The following PPP1R1C variants were observed in gnomAD, a reference collection of about 807,000 sequenced individuals.
PPP1R1C encodes protein phosphatase 1 regulatory subunit 1C.
A neutral mutation model predicts 17.4 loss-of-function variants in PPP1R1C; 15 were observed. That is an observed-to-expected ratio of 0.86 (90% CI 0.58 to 1.33). The LOEUF is 1.33. PPP1R1C is among the 40% of genes most tolerant of loss of function. PPP1R1C has a pLI of 0.00. For missense variants in PPP1R1C, 143 were observed against 130.0 expected (o/e 1.10, Z -0.48); for synonymous variants, 35 against 43.1 (o/e 0.81, Z 0.73).
At chr2:181,965,812 T>C (rs1359635372) in intron 1 of PPP1R1C, among the ~76,000 whole-genome samples, 1 of 152,196 alleles carries the variant, frequency 6.6e-6, no homozygotes, top group East Asian at 1.9e-4. Flanking sequence ...ATATAAATTT[T>C]GGGATAGTTT....
At chr2:182,116,268 T>C (rs1004829678) in intron 4 of PPP1R1C, among the ~76,000 whole-genome samples, 28 of 152,224 alleles carry the variant, frequency 1.8e-4, no homozygotes, top group African/African-American at 5.5e-4. Context: ...CAAATTAAAT[T>C]ACATATTTCT....
intron 1 of PPP1R1C, among the ~76,000 whole-genome samples, chr2:181,956,351 A>G (rs1175535124): frequency 2.0e-5 from 3 of 152,228 alleles, no homozygotes; most frequent in African/African-American, 7.2e-5. Flanking sequence ...CAGTGCTGCA[A>G]TAAACATACG....
chr2:181,965,349 A>G (rs1384477841), intron 1 of PPP1R1C, among the ~76,000 whole-genome samples: 3 of 152,106 alleles, frequency 2.0e-5, no homozygotes, highest in African/African-American at 4.8e-5. Context: ...TGCTTGTCAG[A>G]TATTACTCAA....
At position 181,975,791 on chromosome 2, in the gene PPP1R1C, G is replaced by C. The variant is rs1574347023; in HGVS notation, n.157+527G>C. 2.6e-5 allele frequency among the ~76,000 whole-genome samples: 4 copies of C among 151,966 alleles called. No homozygotes were observed. The East Asian group carries it at 7.7e-4, about 29-fold the overall frequency. ...GTGTACCTATAATATTGCTCTTATA[G>C]GTAAATGTAAGAATGTTAGGAACAG... On this transcript the variant is annotated intron_variant and non_coding_transcript_variant, in intron 2 of 5. Transcript: ENST00000464264.
At position 181,961,270 on chromosome 2, in the gene PPP1R1C, A is replaced by G; in HGVS notation, n.111+6636A>G. Reference sequence around the variant, plus strand: ...CTTTGCGGCGGGTGGTGGTCTTTGGATGGTTTGCATGGAGTTGCTGTTGTC... The same window carrying G: ...CTTTGCGGCGGGTGGTGGTCTTTGGGTGGTTTGCATGGAGTTGCTGTTGTC... On this transcript the variant is annotated intron_variant and non_coding_transcript_variant, in intron 1 of 5. Coordinates refer to the PPP1R1C transcript ENST00000464264. The surrounding 1 kb of genome is among the most constrained non-coding windows in gnomAD (Gnocchi z 5.8). 1.3e-6 allele frequency: 1 copy of G among 753,448 alleles called. No homozygotes were observed. Among genetic ancestry groups the G allele is most frequent in the Non-Finnish European group, 2.4e-6 (1 of 421,674 alleles). 46.7% of individuals were successfully genotyped at this position (753,448 alleles called of 1,614,324 possible).
chr2:182,092,865 C>T (rs186423514), intron 4 of PPP1R1C, among the ~76,000 whole-genome samples: 240 of 152,244 alleles, frequency 1.6e-3, no homozygotes, highest in East Asian at 2.1e-3. Flanking sequence ...CCCTTCTGGC[C>T]GCTTTCACAG....
At chr2:181,960,567 C>T (rs1425373325) in intron 1 of PPP1R1C, among the ~76,000 whole-genome samples, 2 of 152,222 alleles carry the variant, frequency 1.3e-5, no homozygotes, top group East Asian at 3.8e-4. Context: ...TCCATTTCCA[C>T]CTATTTCTCC....
At chr2:182,028,013 T>C (rs1230101799) in intron 2 of PPP1R1C, among the ~76,000 whole-genome samples, 1 of 128,150 alleles carries the variant, frequency 7.8e-6, no homozygotes, top group East Asian at 2.2e-4. Flanking sequence ...GTGTTTGTAG[T>C]ATTCTCTGAT....
At chr2:182,054,769 T>A (rs903345814) in intron 2 of PPP1R1C, among the ~76,000 whole-genome samples, 2 of 152,158 alleles carry the variant, frequency 1.3e-5, no homozygotes, top group African/African-American at 4.8e-5. Context: ...CAAGTGACTG[T>A]CCTGCCTCAG....
At chr2:182,029,760 G>A (rs1262237874) in intron 2 of PPP1R1C, among the ~76,000 whole-genome samples, 4 of 90,302 alleles carry the variant, frequency 4.4e-5, no homozygotes, top group African/African-American at 1.9e-4. Flanking sequence ...ACGTTGGCCT[G>A]CCTTGCTAGA....
intron 2 of PPP1R1C, among the ~76,000 whole-genome samples, chr2:182,045,603 T>C (rs1245510127): frequency 2.0e-5 from 3 of 152,086 alleles, no homozygotes; most frequent in Admixed American, 2.0e-4. Context: ...ATAAAAGTTT[T>C]CCTCTTGTTA....
chr2:182,108,383 G>A (rs1689318347), intron 4 of PPP1R1C, among the ~76,000 whole-genome samples: 1 of 151,762 alleles, frequency 6.6e-6, no homozygotes, highest in Non-Finnish European at 1.5e-5. Context: ...GTGCCATCCT[G>A]TTCTCTTTGC....
chr2:182,012,363 C>T (rs1686109819), intron 2 of PPP1R1C, among the ~76,000 whole-genome samples: 1 of 152,002 alleles, frequency 6.6e-6, no homozygotes, highest in Non-Finnish European at 1.5e-5. Flanking sequence ...TAATGACCCT[C>T]TTTGTCTCTT....
intron 2 of PPP1R1C, among the ~76,000 whole-genome samples, chr2:182,021,563 T>C (rs1428304128): frequency 6.6e-6 from 1 of 152,056 alleles, no homozygotes; most frequent in African/African-American, 2.4e-5. Context: ...CTTGACCTCA[T>C]GATCCTCCCA....
At chr2:181,990,300 G>A (rs1685439457) in intron 2 of PPP1R1C, among the ~76,000 whole-genome samples, 2 of 150,870 alleles carry the variant, frequency 1.3e-5, no homozygotes, top group African/African-American at 2.5e-5. Flanking sequence ...CACCACGCCC[G>A]GCTAATTTTT....
chr2:182,130,951 G>A (rs1032471152), downstream of PPP1R1C: 4 of 152,122 alleles, frequency 2.6e-5, no homozygotes, highest in Non-Finnish European at 5.9e-5. Flanking sequence ...TTTATTGTCA[G>A]AATAAATGGA....
At chr2:182,091,422 C>A (rs1225857137) in intron 4 of PPP1R1C, among the ~76,000 whole-genome samples, 1 of 151,088 alleles carries the variant, frequency 6.6e-6, no homozygotes, top group African/African-American at 2.4e-5. Context: ...GATGAGTGAA[C>A]AGGCGGTGAG....
rs937492589 is a variant in PPP1R1C at position 181,976,006 on chromosome 2, A to G, written n.157+742A>G. On this transcript the variant is annotated intron_variant and non_coding_transcript_variant, in intron 2 of 5. Transcript: ENST00000464264. The surrounding 1 kb of genome is among the most constrained non-coding windows in gnomAD (Gnocchi z 4.8). ...GCATCAAAATGCAAAAGAACCTTAA[A>G]AATATTATTTAAAATTATCTTTGTT... Among the ~76,000 whole-genome samples the G allele has an allele frequency of 2.6e-5, 4 of 152,102 alleles. No individual in the cohort carries two copies. Among genetic ancestry groups the G allele is most frequent in the African/African-American group, 9.7e-5 (4 of 41,442 alleles).
chr2:182,038,760 T>C (rs1014692945), intron 2 of PPP1R1C, among the ~76,000 whole-genome samples: 42 of 152,188 alleles, frequency 2.8e-4, no homozygotes, highest in African/African-American at 8.4e-4. Context: ...TTCATGACAT[T>C]AAGAGAGCTA....
Sources: allele counts gnomAD v4.1 joint callset (sites outside exome capture counted in the v4.1 genomes callset), GRCh38; gene constraint gnomAD v4.1.1; non-coding constraint Gnocchi (gnomAD v3.1); transcripts MANE v1.5; gene names NCBI Gene and HGNC (gene_info 2026-07-23, HGNC 2026-07-21).